Variants in SERPINB8 observed in about 807,000 individuals in gnomAD.
The protein encoded by SERPINB8 is serpin family B member 8.
In SERPINB8, 25 loss-of-function variants were observed where a neutral mutation model predicts 35.3. That is an observed-to-expected ratio of 0.71 (90% CI 0.52 to 0.99). The LOEUF (loss-of-function observed/expected upper bound fraction) is 0.99, where lower values mean the gene tolerates loss of function less well. SERPINB8 is among the 50% of genes least tolerant of loss of function. SERPINB8 has a pLI of 0.00. For missense variants in SERPINB8, 484 were observed against 446.5 expected (o/e 1.08, Z -0.76); for synonymous variants, 186 against 160.8 (o/e 1.16, Z -1.19).
At chr18:63,983,743 A>G (rs949364960) in intron 5 of SERPINB8, 22 bp downstream of exon 5, 6 of 1,561,564 alleles carry the variant, frequency 3.8e-6, no homozygotes. Context: ...TTTTTCAGAT[A>G]TACTGCTACT....
At chr18:63,985,394 C>A in intron 6 of SERPINB8, 149 bp downstream of exon 6, 1 of 805,784 alleles carries the variant, frequency 1.2e-6, no homozygotes, top group Admixed American at 2.8e-5. Flanking sequence ...TTTTGATGAA[C>A]ATGTTCATGC....
At chr18:63,977,566 G>A (rs572801909) in intron 1 of SERPINB8, among the ~76,000 whole-genome samples, 3 of 152,260 alleles carry the variant, frequency 2.0e-5, no homozygotes, top group Non-Finnish European at 2.9e-5. Flanking sequence ...GACCTCAAGT[G>A]ATCTGCCTGC....
downstream of SERPINB8, among the ~76,000 whole-genome samples, chr18:64,005,936 C>T (rs142104866): frequency 1.4e-4 from 21 of 152,266 alleles, 2 homozygotes; most frequent in African/African-American, 3.1e-4. Context: ...GCAAGGTGCC[C>T]GCTGATATTA....
intron 1 of SERPINB8, among the ~76,000 whole-genome samples, chr18:63,997,971 T>C (rs1287174384): frequency 6.6e-6 from 1 of 152,232 alleles, no homozygotes; most frequent in African/African-American, 2.4e-5. Context: ...TCATTGCCTC[T>C]GATCCATGAG....
At chr18:63,976,802 T>C (rs1454005917) in intron 1 of SERPINB8, among the ~76,000 whole-genome samples, 2 of 152,216 alleles carry the variant, frequency 1.3e-5, no homozygotes, top group Admixed American at 6.5e-5. Flanking sequence ...GATTAGGGCT[T>C]CATATTTTAT....
intron 6 of SERPINB8, chr18:63,986,550 A>G: frequency 7.5e-7 from 1 of 1,324,914 alleles, no homozygotes; most frequent in Non-Finnish European, 9.6e-7. Context: ...ATGAAGATTA[A>G]TGTAATGAAT....
At chr18:63,976,229 C>A (rs1201021034) in intron 1 of SERPINB8, among the ~76,000 whole-genome samples, 3 of 152,038 alleles carry the variant, frequency 2.0e-5, no homozygotes, top group African/African-American at 7.2e-5. Flanking sequence ...CCCAAATGTT[C>A]TCAATTGTAA....
At chr18:63,986,517 C>T in intron 6 of SERPINB8, 2 of 1,347,102 alleles carry the variant, frequency 1.5e-6, no homozygotes, top group East Asian at 2.8e-5. Flanking sequence ...ACAATCTCTC[C>T]CACTCACAGT....
At chr18:63,979,202 C>T (rs2050630560) in intron 2 of SERPINB8, among the ~76,000 whole-genome samples, 2 of 152,186 alleles carry the variant, frequency 1.3e-5, no homozygotes, top group South Asian at 2.1e-4. Context: ...AGGCTTTGGA[C>T]TGGGGGTGAT....
chr18:63,983,303 A>G (rs2050701068), intron 4 of SERPINB8, among the ~76,000 whole-genome samples: 1 of 152,174 alleles, frequency 6.6e-6, no homozygotes, highest in Non-Finnish European at 1.5e-5. Flanking sequence ...GCACTCAGCA[A>G]AAGTCTGGCA....
chr18:63,977,369 C>T (rs912969118), intron 1 of SERPINB8, among the ~76,000 whole-genome samples: 31 of 151,918 alleles, frequency 2.0e-4, no homozygotes, highest in Admixed American at 2.0e-3. Context: ...CTCTGTTGCC[C>T]AGGCTGGAGT....
At chr18:63,986,759 T>C (rs542183374) in intron 6 of SERPINB8, 115 bp from the exon 7 acceptor site, 9 of 1,395,190 alleles carry the variant, frequency 6.5e-6, no homozygotes, top group South Asian at 3.0e-5. Context: ...GTAGATTTTC[T>C]TGGACCAGAA....
At chr18:64,017,341 A>G (rs1219190197) in intron 7 of SERPINB8, among the ~76,000 whole-genome samples, 1 of 152,170 alleles carries the variant, frequency 6.6e-6, no homozygotes, top group Non-Finnish European at 1.5e-5. Flanking sequence ...CTCAGGTACA[A>G]AAATACTGAT....
chr18:63,987,294 G>C lies in SERPINB8; in HGVS notation c.*16G>C. The C allele has an allele frequency of 6.3e-7, 1 of 1,590,768 alleles. No homozygotes were observed. Among genetic ancestry groups the C allele is most frequent in the African/African-American group, 1.3e-5 (1 of 74,286 alleles). ...TTCTCCGTAAAGAGGAGCAATTGCT[G>C]TACATACCCTCCTTTCCTTCTACCT... On this transcript the variant is annotated 3_prime_UTR_variant, in exon 7 of 7. Coordinates refer to ENST00000397985, the MANE Select transcript of SERPINB8 (RefSeq NM_002640.4).
At position 63,987,731 on chromosome 18, in the gene SERPINB8, C is replaced by G. The variant is rs141807022; in HGVS notation, c.*453C>G. 1 of 157,920 alleles carries G rather than the reference C, an allele frequency of 6.3e-6. No homozygotes were observed. The highest frequency in any genetic ancestry group is 1.4e-5 in the Non-Finnish European group (1 of 71,658). The allele number at this position is 157,920 out of a possible 1,614,324, so 9.8% of individuals were successfully genotyped here. On this transcript the variant is annotated 3_prime_UTR_variant, in exon 7 of 7. Coordinates refer to ENST00000397985, the MANE Select transcript of SERPINB8 (RefSeq NM_002640.4). ...CAGCCACCCTGTGTCTCATGTGCAG[C>G]TGAAATAGTGATCTGCTTCTGTCAC...
chr18:63,992,373 C>A (rs141748838), downstream of SERPINB8, among the ~76,000 whole-genome samples: 81 of 152,310 alleles, frequency 5.3e-4, no homozygotes, highest in Non-Finnish European at 7.9e-4. Context: ...ATTTTCTAGT[C>A]ATCAAATTTA....
intron 1 of SERPINB8, among the ~76,000 whole-genome samples, chr18:64,000,388 A>G (rs1268875139): frequency 6.6e-6 from 1 of 152,226 alleles, no homozygotes; most frequent in Non-Finnish European, 1.5e-5. Flanking sequence ...ATCCTGAAAA[A>G]TTAAGAGGTG....
At position 63,983,604 on chromosome 18, in the gene SERPINB8, T is replaced by C; in HGVS notation, c.450T>C (p.Ala150=). 6.2e-7 allele frequency: 1 copy of C among 1,614,022 alleles called. No homozygotes were observed. Among genetic ancestry groups the C allele is most frequent in the Non-Finnish European group, 8.5e-7 (1 of 1,179,872 alleles). ...GTAAGATTTCAGAGGTACTGGATGC[T>C]GGGACAGTCGATCCCCTGACAAAGC... ...TEGKISEVLD[A]GTVDPLTKLV... is the part of the protein sequence containing the mutation. The change falls in exon 5 of 7, where the codon GCT becomes GCC. Residue 150 remains alanine, a synonymous_variant. Transcript: ENST00000397985.
rs1038388647 is a variant in SERPINB8, at chr18:63,989,110, G to A, written c.*1832G>A. 3.3e-5 allele frequency: 5 copies of A among 152,040 alleles called. No homozygotes were observed. Among genetic ancestry groups the A allele is most frequent in the East Asian group, 1.9e-4 (1 of 5,194 alleles). The allele number at this position is 152,040 out of a possible 1,614,324, so 9.4% of individuals were successfully genotyped here. On this transcript the variant is annotated 3_prime_UTR_variant, in exon 7 of 7. Coordinates refer to ENST00000397985, the MANE Select transcript of SERPINB8 (RefSeq NM_002640.4). The stretch of plus-strand genomic sequence containing the variant: ...TCTTTCTGTCACTATAGATTAATTT[G>A]CATTTTTAAAGAAATTTACATACAT...
Sources: allele counts gnomAD v4.1 joint callset (sites outside exome capture counted in the v4.1 genomes callset), GRCh38; gene constraint gnomAD v4.1.1; transcripts MANE v1.5; gene names NCBI Gene and HGNC (gene_info 2026-07-23, HGNC 2026-07-21).